The following LUZP2 variants were observed in gnomAD, a reference collection of about 807,000 sequenced individuals.
LUZP2 encodes the protein leucine zipper protein 2.
A neutral mutation model predicts 51.6 loss-of-function variants in LUZP2; 52 were observed. The ratio of observed to expected loss-of-function variants is 1.01; its 90% confidence interval spans 0.81 to 1.27. The LOEUF is 1.27. LUZP2 is among the 50% of genes most tolerant of loss of function. The pLI is 0.00. For missense variants in LUZP2, 436 were observed against 395.4 expected (o/e 1.10, Z -0.87); for synonymous variants, 154 against 137.3 (o/e 1.12, Z -0.85).
At chr11:24,885,051 T>C (rs1431757378) in intron 5 of LUZP2, among the ~76,000 whole-genome samples, 1 of 152,060 alleles carries the variant, frequency 6.6e-6, no homozygotes, top group Admixed American at 6.6e-5. Context: ...AAGTGCCTGT[T>C]TTAGAGAAAG....
intron 5 of LUZP2, among the ~76,000 whole-genome samples, chr11:24,851,875 A>T (rs532028109): frequency 6.6e-6 from 1 of 152,150 alleles, no homozygotes; most frequent in South Asian, 2.1e-4. Context: ...GAATTTATCC[A>T]TTTCTTTTAG....
At chr11:25,033,128 A>G (rs1312608738) in intron 9 of LUZP2, among the ~76,000 whole-genome samples, 1 of 152,298 alleles carries the variant, frequency 6.6e-6, no homozygotes, top group East Asian at 1.9e-4. Context: ...CTGAAATACC[A>G]TAAGGGTGGG....
chr11:24,646,701 T>C, intron 1 of LUZP2: 1 of 568,580 alleles, frequency 1.8e-6, no homozygotes, highest in Non-Finnish European at 2.2e-6. Flanking sequence ...GATGTCTCAT[T>C]GGCCATAACT....
At chr11:25,045,238 A>C (rs926996211) in intron 9 of LUZP2, among the ~76,000 whole-genome samples, 2 of 152,124 alleles carry the variant, frequency 1.3e-5, no homozygotes, top group African/African-American at 2.4e-5. Context: ...GAAAGTAATT[A>C]ATGTATATAC....
chr11:24,809,504 C>G (rs1188007580), intron 5 of LUZP2, among the ~76,000 whole-genome samples: 1 of 152,072 alleles, frequency 6.6e-6, no homozygotes, highest in East Asian at 1.9e-4. Flanking sequence ...AAGTGCAAGT[C>G]TCACTTTGCC....
chr11:24,625,083 A>ACGCAGAAAGACAAATAC, intron 1 of LUZP2, among the ~76,000 whole-genome samples: 2 of 152,160 alleles, frequency 1.3e-5, no homozygotes, highest in African/African-American at 4.8e-5. Flanking sequence ...ATTAAGCCAG[A>ACGCAGAAAGACAAATAC]TGCAGAAAGA....
intron 5 of LUZP2, among the ~76,000 whole-genome samples, chr11:24,840,126 G>T (rs550902765): frequency 6.6e-6 from 1 of 151,878 alleles, no homozygotes; most frequent in Admixed American, 6.6e-5. Context: ...TTATTTTTAA[G>T]CATCAAGGTC....
chr11:24,561,575 A>T (rs539730435), intron 1 of LUZP2, among the ~76,000 whole-genome samples: 2 of 152,236 alleles, frequency 1.3e-5, no homozygotes, highest in East Asian at 3.9e-4. Flanking sequence ...CAGAGAACCA[A>T]ACACTGCATG....
At chr11:24,744,744 T>C (rs569690523) in intron 4 of LUZP2, among the ~76,000 whole-genome samples, 3 of 152,220 alleles carry the variant, frequency 2.0e-5, no homozygotes, top group East Asian at 1.9e-4. Flanking sequence ...CCTTTTTTCT[T>C]CTGGGTTTGG....
Position 24,959,127 on chromosome 11 carries a change from T to A in LUZP2, c.523-17464T>A, listed in dbSNP as rs539216862. On this transcript the variant is annotated intron_variant, in intron 7 of 11. Coordinates refer to ENST00000336930, the MANE Select transcript of LUZP2 (RefSeq NM_001009909.4). ...CCATTGATCTATATCTCTGTTTTGGTACCAGTATCATGCTGTTTTGGTTAC... is the reference window on the plus strand; with the variant it reads ...CCATTGATCTATATCTCTGTTTTGGAACCAGTATCATGCTGTTTTGGTTAC... 1.6e-3 allele frequency among the ~76,000 whole-genome samples: 243 copies of A among 152,314 alleles called. 2 individuals carry two copies. Among genetic ancestry groups the A allele is most frequent in the African/African-American group, 5.7e-3 (237 of 41,566 alleles).
chr11:24,891,311 A>C, intron 5 of LUZP2: 1 of 966,556 alleles, frequency 1.0e-6, no homozygotes, highest in Non-Finnish European at 1.2e-6. Flanking sequence ...ATTATAAGGA[A>C]GCCATATCAC....
At chr11:24,866,784 T>C (rs1419918360) in intron 5 of LUZP2, among the ~76,000 whole-genome samples, 1 of 152,216 alleles carries the variant, frequency 6.6e-6, no homozygotes, top group African/African-American at 2.4e-5. Flanking sequence ...TGCTAGACTT[T>C]GCAGGATTTT....
At chr11:24,981,319 A>G (rs1856021507) in intron 8 of LUZP2, among the ~76,000 whole-genome samples, 1 of 151,776 alleles carries the variant, frequency 6.6e-6, no homozygotes, top group Non-Finnish European at 1.5e-5. Context: ...TGACCTTGTC[A>G]TAGCATTTGT....
At chr11:24,985,851 T>C (rs1856173815) in intron 9 of LUZP2, among the ~76,000 whole-genome samples, 1 of 151,694 alleles carries the variant, frequency 6.6e-6, no homozygotes, top group Non-Finnish European at 1.5e-5. Flanking sequence ...TTAGATTAGA[T>C]ATCATCACAA....
At chr11:25,077,270 C>A in intron 10 of LUZP2, 59 bp from the exon 11 acceptor site, 1 of 1,242,604 alleles carries the variant, frequency 8.0e-7, no homozygotes, top group Non-Finnish European at 1.2e-6. Flanking sequence ...GTTTTTGACT[C>A]CCCCCTCCAC....
intron 7 of LUZP2, among the ~76,000 whole-genome samples, chr11:24,961,844 G>T (rs930573501): frequency 1.3e-5 from 2 of 150,424 alleles, no homozygotes; most frequent in East Asian, 2.0e-4. Context: ...TCCTAGTCTT[G>T]ATGGTCTTTA....
At chr11:25,065,999 T>C (rs925108386) in intron 10 of LUZP2, among the ~76,000 whole-genome samples, 1 of 151,990 alleles carries the variant, frequency 6.6e-6, no homozygotes, top group Non-Finnish European at 1.5e-5. Flanking sequence ...AGCACACAAA[T>C]AGTAAGAGGA....
intron 5 of LUZP2, among the ~76,000 whole-genome samples, chr11:24,785,489 T>C (rs1849218484): frequency 6.6e-6 from 1 of 151,996 alleles, no homozygotes; most frequent in African/African-American, 2.4e-5. Context: ...GCCTGTGACC[T>C]GTAAAGACAT....
chr11:24,563,577 T>G (rs1852125299), intron 1 of LUZP2, among the ~76,000 whole-genome samples: 1 of 152,168 alleles, frequency 6.6e-6, no homozygotes, highest in South Asian at 2.1e-4. Context: ...ACATCATGCT[T>G]TCTTTATTTT....
Sources: allele counts gnomAD v4.1 joint callset (sites outside exome capture counted in the v4.1 genomes callset), GRCh38; gene constraint gnomAD v4.1.1; transcripts MANE v1.5; gene names NCBI Gene and HGNC (gene_info 2026-07-23, HGNC 2026-07-21).